The following NUMA1 variants were observed in gnomAD, a reference collection of about 807,000 sequenced individuals.
NUMA1 encodes nuclear mitotic apparatus protein 1.
In NUMA1, 62 loss-of-function variants were observed where a neutral mutation model predicts 237.1. The ratio of observed to expected loss-of-function variants is 0.26; its 90% CI spans 0.21 to 0.32. The LOEUF (loss-of-function observed/expected upper bound fraction) is 0.32, where lower values mean the gene tolerates loss of function less well. Among genes scored for constraint, NUMA1 ranks in the 10% least tolerant of loss-of-function variants. The pLI is 1.00. For missense variants in NUMA1, 2,533 were observed against 2,666.5 expected, an observed-to-expected ratio of 0.95 and a Z score of 1.10; for synonymous variants, 1,028 against 1,066.1, an observed-to-expected ratio of 0.96 and a Z score of 0.70.
intron 2 of NUMA1, among the ~76,000 whole-genome samples, chr11:72,042,536 G>A (rs1939242): frequency 0.86 from 131,174 of 152,126 alleles, 57,228 homozygotes; most frequent in Non-Finnish European, 0.94. Context: ...TTCCCCAGAT[G>A]GAAACAGAGA....
At chr11:72,005,795 G>A (rs1011676676) in intron 22 of NUMA1, 2 of 556,304 alleles carry the variant, frequency 3.6e-6, no homozygotes, top group African/African-American at 3.8e-5. Context: ...ACAGCTAAGT[G>A]TCACAATTGT....
intron 13 of NUMA1, chr11:72,017,393 G>A (rs182479551): frequency 1.5e-4 from 69 of 445,966 alleles, no homozygotes; most frequent in African/African-American, 1.2e-3. Context: ...TTTAGGGAAA[G>A]GATGCTTAGA....
intron 2 of NUMA1, among the ~76,000 whole-genome samples, chr11:72,063,608 C>CAAAAAA (rs71052848): frequency 1.3e-4 from 8 of 61,122 alleles, no homozygotes; most frequent in South Asian, 7.1e-4. Context: ...TACCAAAACT[C>CAAAAAA]AAAAAAAAAA....
At chr11:72,062,016 T>C (rs1000458108) in intron 2 of NUMA1, among the ~76,000 whole-genome samples, 5 of 152,120 alleles carry the variant, frequency 3.3e-5, no homozygotes, top group African/African-American at 1.2e-4. Context: ...TTCCAGCAAG[T>C]CGAACAAACT....
intron 2 of NUMA1, among the ~76,000 whole-genome samples, chr11:72,036,452 A>T (rs1475846764): frequency 2.0e-5 from 3 of 152,254 alleles, no homozygotes; most frequent in African/African-American, 7.2e-5. Flanking sequence ...CTTAAAGATA[A>T]AGCAAATAGT....
chr11:72,017,585 A>C, intron 13 of NUMA1, 102 bp downstream of exon 13: 1 of 1,409,602 alleles, frequency 7.1e-7, no homozygotes, highest in Non-Finnish European at 9.9e-7. Flanking sequence ...CTTGAAGAGA[A>C]AGCAACTTAA....
chr11:72,075,880 C>T (rs969967582), intron 1 of NUMA1, among the ~76,000 whole-genome samples: 14 of 152,060 alleles, frequency 9.2e-5, no homozygotes, highest in Admixed American at 1.3e-4. Flanking sequence ...CTGTCCTAGC[C>T]GTGTATGGAA....
chr11:72,016,133 A>C lies in NUMA1; in HGVS notation c.1370T>G (p.Phe457Cys), dbSNP rs760616367. ...EAKLLAERGHFEEEKQQLSSL... is the reference protein window; with the variant it reads ...EAKLLAERGHCEEEKQQLSSL... Reference sequence around the variant, plus strand: ...AGACAGCTGCTGCTTTTCTTCTTCGAAGTGGCCCCGCTCAGCAAGCAGCTT... The same window carrying C: ...AGACAGCTGCTGCTTTTCTTCTTCGCAGTGGCCCCGCTCAGCAAGCAGCTT... Residue 457 changes from phenylalanine (F) to cysteine (C), a missense_variant, in exon 15 of 27, where the codon TTC becomes TGC. This residue lies in a region of NUMA1 where 1,414 missense variants were observed against 1,508.1 expected (regional missense o/e 0.94). Transcript: ENST00000393695. 75 of 1,613,922 alleles carry C rather than the reference A, an allele frequency of 4.6e-5. No homozygotes were observed. Among genetic ancestry groups the C allele is most frequent in the Non-Finnish European group, 5.7e-5 (67 of 1,180,020 alleles).
Position 72,015,584 on chromosome 11 carries a change from T to C in NUMA1, c.1919A>G (p.Gln640Arg). Residue 640 changes from glutamine (Q) to arginine (R), a missense_variant, in exon 15 of 27, where the codon CAG becomes CGG. Gln to Arg is a conservative substitution (Grantham distance 43). Coordinates refer to ENST00000393695, the MANE Select transcript of NUMA1 (RefSeq NM_006185.4). This position sits in a 1 kb window ranked among gnomAD's most constrained non-coding sequence, Gnocchi z 4.0. ...CAGCTCTGCCTTCTCCCGCTGGGCC[T>C]GTGTCACTGAGGTCTGGGCACTGTC... ...ARDSAQTSVT[Q>R]AQREKAELSR... The C allele has an allele frequency of 1.2e-6, 2 of 1,613,722 alleles. No individual in the cohort carries two copies. Among genetic ancestry groups the C allele is most frequent in the Non-Finnish European group, 1.7e-6 (2 of 1,180,042 alleles).
chr11:72,026,275 C>T (rs1939569726), intron 4 of NUMA1, among the ~76,000 whole-genome samples: 1 of 152,232 alleles, frequency 6.6e-6, no homozygotes, highest in African/African-American at 2.4e-5. Context: ...CTGCAGCACT[C>T]ATGAATGCAA....
At chr11:72,055,988 AC>A (rs1942616128) in intron 2 of NUMA1, among the ~76,000 whole-genome samples, 2 of 151,522 alleles carry the variant, frequency 1.3e-5, no homozygotes, top group Non-Finnish European at 2.9e-5. Flanking sequence ...ACACACACAC[AC>A]ACACACACAA....
intron 1 of NUMA1, among the ~76,000 whole-genome samples, chr11:72,079,661 T>C (rs74765273): frequency 2.6e-3 from 390 of 151,480 alleles, no homozygotes; most frequent in Non-Finnish European, 3.8e-3. Context: ...ACACCACTTA[T>C]AGTCATAAAT....
chr11:72,014,749 G>C lies in NUMA1; in HGVS notation c.2754C>G (p.Arg918=). ...KMAATSKEVA[R]LETLVRKAGE... ...CTGCCTTGCGCACCAAGGTCTCCAA[G>C]CGGGCCACCTCTTTGCTGGTGGCAG... The change falls in exon 15 of 27, where the codon CGC becomes CGG. Residue 918 remains arginine (R), a synonymous_variant. Transcript: ENST00000393695. This position sits in a 1 kb window ranked among gnomAD's most constrained non-coding sequence, Gnocchi z 4.6. 3.1e-6 allele frequency: 5 copies of C among 1,614,162 alleles called. No individual in the cohort carries two copies. The highest frequency in any genetic ancestry group is 4.2e-6 in the Non-Finnish European group (5 of 1,180,050).
At chr11:72,018,360 G>C in intron 11 of NUMA1, 36 bp downstream of exon 11, 1 of 1,606,008 alleles carries the variant, frequency 6.2e-7, no homozygotes, top group Non-Finnish European at 8.5e-7. Flanking sequence ...GAGGGGAGGG[G>C]CTGGGGCCTG....
At chr11:72,028,505 CAGAA>C (rs1939878353) in intron 4 of NUMA1, among the ~76,000 whole-genome samples, 1 of 144,026 alleles carries the variant, frequency 6.9e-6, no homozygotes, top group South Asian at 2.2e-4. Flanking sequence ...TGCTTGGTCC[CAGAA>C]AGGTAGGATA....
At chr11:72,045,001 A>G (rs1208279713) in intron 2 of NUMA1, among the ~76,000 whole-genome samples, 1 of 152,058 alleles carries the variant, frequency 6.6e-6, no homozygotes, top group Non-Finnish European at 1.5e-5. Flanking sequence ...TACACTGGTG[A>G]TAAGAAAAAT....
chr11:72,042,593 G>A (rs2135894221), intron 2 of NUMA1, among the ~76,000 whole-genome samples: 1 of 152,296 alleles, frequency 6.6e-6, no homozygotes, highest in Admixed American at 6.5e-5. Flanking sequence ...GAAGCAGTGG[G>A]AGAAAGGGCT....
chr11:72,068,123 G>GA (rs1943280473), intron 2 of NUMA1: 1 of 152,252 alleles, frequency 6.6e-6, no homozygotes, highest in Non-Finnish European at 1.5e-5. Context: ...CATCTTGATT[G>GA]ATTTGGGTGT....
At chr11:72,006,434 C>T (rs938954694) in intron 21 of NUMA1, among the ~76,000 whole-genome samples, 171 bp from the exon 22 acceptor site, 19 of 152,208 alleles carry the variant, frequency 1.2e-4, no homozygotes, top group African/African-American at 4.6e-4. Context: ...GACAGAAGCC[C>T]TCACAAGGTG....
Sources: gnomAD v4.1 joint callset for allele counts (sites outside exome capture counted in the v4.1 genomes callset) on GRCh38, gnomAD v4.1.1 for gene constraint, gnomAD v4.1.1 regional missense constraint, Gnocchi (gnomAD v3.1) non-coding constraint, MANE v1.5 for transcripts, NCBI Gene and HGNC (gene_info 2026-07-23, HGNC 2026-07-21) for gene names.